Variants in IDUA observed in about 807,000 individuals in gnomAD.
The protein encoded by IDUA is alpha-L-iduronidase.
IDUA carries 65 observed loss-of-function variants against 68.9 expected under a neutral mutation model. The ratio of observed to expected loss-of-function variants is 0.94; its 90% confidence interval spans 0.77 to 1.16. The LOEUF (loss-of-function observed/expected upper bound fraction) is 1.16, where lower values mean the gene tolerates loss of function less well. Ranked by LOEUF, IDUA falls within the 50% of genes most tolerant of loss-of-function variation. The pLI is 0.00. For synonymous variants in IDUA, 529 were observed against 433.6 expected, an observed-to-expected ratio of 1.22 and a Z score of -2.73; for missense variants, 1,046 against 938.0, an observed-to-expected ratio of 1.12 and a Z score of -1.50.
At chr4:1,001,240 G>C (rs1216250977) in intron 4 of IDUA, 2 of 627,494 alleles carry the variant, frequency 3.2e-6, no homozygotes, top group Admixed American at 2.5e-5. Flanking sequence ...GGTACTCCTG[G>C]GCAGGCTGCA....
chr4:991,272 G>A lies in IDUA; in HGVS notation c.299+3323G>A, dbSNP rs143284684. 213 of 1,612,672 alleles carry A rather than the reference G, an allele frequency of 1.3e-4. 1 individual carries two copies. Among genetic ancestry groups the A allele is most frequent in the Admixed American group, 5.7e-4 (34 of 60,016 alleles). ...GGCCGTCCTGGGAGGGGTCAAAGCC[G>A]GCCAGCTGGAGCTCCCGGTCCACCA... On this transcript the variant is annotated intron_variant, in intron 2 of 13. Coordinates refer to ENST00000514224, the MANE Select transcript of IDUA (RefSeq NM_000203.5).
rs1207699087 is a variant in IDUA, at chr4:1,003,410, G to A, written c.1590G>A (p.Leu530=). ...AGGRLTLRPA[L]RLPSLLLVHV... is the part of the protein sequence containing the mutation. ...GCCGCCTGACCCTGCGCCCCGCGCTGCGGCTGCCGTCGCTTTTGCTGGTGC... is the reference window on the plus strand; with the variant it reads ...GCCGCCTGACCCTGCGCCCCGCGCTACGGCTGCCGTCGCTTTTGCTGGTGC... The change falls in exon 11 of 14, where the codon CTG becomes CTA. Residue 530 remains leucine (L), a synonymous_variant. Transcript: ENST00000514224. The A allele has an allele frequency of 1.3e-6, 2 of 1,526,840 alleles. No homozygotes were observed. The highest frequency in any genetic ancestry group is 1.7e-6 in the Non-Finnish European group (2 of 1,143,746). The allele number at this position is 1,526,840 out of a possible 1,614,324, so 94.6% of individuals were successfully genotyped here. A position where few individuals can be genotyped will look rare whatever the true frequency, so the allele number is the denominator to read the frequency against.
chr4:1,002,994 G>C (rs1377915164), intron 9 of IDUA, 42 bp from the exon 10 acceptor site: 1 of 1,425,164 alleles, frequency 7.0e-7, no homozygotes, highest in Non-Finnish European at 9.1e-7. Flanking sequence ...GCTCTGGAGG[G>C]GGCGGCCCGG....
intron 2 of IDUA, 139 bp from the exon 3 acceptor site, chr4:1,000,473 G>A (rs1443644766): frequency 5.6e-6 from 4 of 715,894 alleles, no homozygotes; most frequent in Non-Finnish European, 1.0e-5. Context: ...CCAAGGGGAA[G>A]GGCCCCTCGG....
chr4:998,288 C>G (rs1714865419), intron 2 of IDUA, among the ~76,000 whole-genome samples: 1 of 152,208 alleles, frequency 6.6e-6, no homozygotes, highest in Non-Finnish European at 1.5e-5. Context: ...CTGCCTTGAT[C>G]TTGTACACCA....
intron 12 of IDUA, 145 bp downstream of exon 12, chr4:1,003,770 C>T: frequency 2.1e-6 from 2 of 975,090 alleles, no homozygotes; most frequent in Non-Finnish European, 3.2e-6. Flanking sequence ...CCCTTCACCC[C>T]ACACACTGTG....
intron 2 of IDUA, chr4:991,472 C>T (rs759548716): frequency 4.3e-6 from 7 of 1,612,360 alleles, no homozygotes; most frequent in Non-Finnish European, 5.9e-6. Context: ...ATGCCGATGA[C>T]CAGCCCAGAC....
rs1383523877 is a variant in IDUA at position 1,001,530 on chromosome 4, C to T, written c.556C>T (p.His186Tyr). Residue 186 changes from histidine to tyrosine, a missense_variant, in exon 5 of 14, where the codon CAC (histidine) becomes TAC (tyrosine). Physicochemically the swap from His to Tyr is moderately conservative, Grantham distance 83 (BLOSUM62 2). Coordinates refer to ENST00000514224, the MANE Select transcript of IDUA (RefSeq NM_000203.5). ...CGAGACGTGGAATGAGCCAGACCAC[C>T]ACGACTTTGACAACGTCTCCATGAC... ...NFETWNEPDH[H>Y]DFDNVSMTMQ... 1.2e-6 allele frequency: 2 copies of T among 1,613,194 alleles called. No homozygotes were observed. The highest frequency in any genetic ancestry group is 4.5e-5 in the East Asian group (2 of 44,892).
rs938902626 is a variant in IDUA, at chr4:1,001,942, C to G, written c.793-40C>G. The G allele has an allele frequency of 3.8e-6, 6 of 1,570,352 alleles. No homozygotes were observed. The African/African-American group carries it at 8.1e-5, about 21-fold the overall frequency. On this transcript the variant is annotated intron_variant, in intron 6 of 13. Transcript: ENST00000514224. ...CGCCCTCAGCCGCTGTGCCCCGGGC[C>G]GCGCTGACCCTGGTGGTGCTGAGGC...
chr4:998,383 G>A (rs561220516), intron 2 of IDUA, among the ~76,000 whole-genome samples: 50 of 152,280 alleles, frequency 3.3e-4, no homozygotes, highest in East Asian at 5.8e-4. Flanking sequence ...ACTGACAGAC[G>A]GGGAGCTGTA....
chr4:1,000,830 G>T, intron 3 of IDUA, 52 bp from the exon 4 acceptor site: 1 of 1,535,696 alleles, frequency 6.5e-7, no homozygotes, highest in South Asian at 1.1e-5. Flanking sequence ...AGGCCTGGCA[G>T]AGCATGGGTG....
chr4:991,231 TTG>T, intron 2 of IDUA: 6 of 1,611,146 alleles, frequency 3.7e-6, no homozygotes, highest in Non-Finnish European at 5.1e-6. Flanking sequence ...GGTGCTGCTG[TTG>T]GCTCCGGGCT....
At chr4:995,155 C>A (rs1714668799) in intron 2 of IDUA, among the ~76,000 whole-genome samples, 1 of 151,968 alleles carries the variant, frequency 6.6e-6, no homozygotes, top group African/African-American at 2.4e-5. Flanking sequence ...AGCGATTCTC[C>A]TGCCTCAGCC....
intron 1 of IDUA, 68 bp from the exon 2 acceptor site, chr4:987,741 C>T (rs1713848883): frequency 1.2e-6 from 2 of 1,603,784 alleles, no homozygotes; most frequent in Non-Finnish European, 1.7e-6. Flanking sequence ...TGGGCTTGAA[C>T]GTGTGTGTCA....
At chr4:989,909 C>T (rs771967621) in intron 2 of IDUA, 1 of 1,563,326 alleles carries the variant, frequency 6.4e-7, no homozygotes, top group Admixed American at 1.9e-5. Flanking sequence ...GCCACGGCAT[C>T]CAAAGCCACA....
chr4:995,953 G>A (rs1391412064), intron 2 of IDUA, among the ~76,000 whole-genome samples: 4 of 152,188 alleles, frequency 2.6e-5, no homozygotes, highest in Non-Finnish European at 5.9e-5. Flanking sequence ...CCCAGAGTGT[G>A]AGATGCGGGC....
intron 2 of IDUA, chr4:992,578 C>CA: frequency 4.7e-6 from 1 of 214,760 alleles, no homozygotes; most frequent in Non-Finnish European, 9.4e-6. Context: ...CCAGACAGTT[C>CA]TGGGACGTGA....
intron 4 of IDUA, 117 bp from the exon 5 acceptor site, chr4:1,001,327 GATGTGGGGCGGGAGGCTGGCCTGC>G: frequency 1.2e-6 from 1 of 807,812 alleles, no homozygotes; most frequent in South Asian, 1.4e-5. Context: ...AGCGCTTCCT[GATGTGGGGCGGGAGGCTGGCCTGC>G]ATGGAGATGG....
chr4:991,968 A>G (rs1714388432), intron 2 of IDUA: 4 of 763,892 alleles, frequency 5.2e-6, no homozygotes, highest in Non-Finnish European at 9.0e-6. Context: ...CACCAAGCCC[A>G]TGCCATGGGG....
Sources: allele counts gnomAD v4.1 joint callset (sites outside exome capture counted in the v4.1 genomes callset), GRCh38; gene constraint gnomAD v4.1.1; transcripts MANE v1.5; gene names NCBI Gene and HGNC (gene_info 2026-07-23, HGNC 2026-07-21).